Variants in SKAP1 observed in about 807,000 individuals in gnomAD.
SKAP1 encodes src kinase associated phosphoprotein 1, also known as src kinase-associated phosphoprotein 1.
In SKAP1, 44 loss-of-function variants were observed where a neutral mutation model predicts 58.5. The ratio of observed to expected loss-of-function variants is 0.75; its 90% CI spans 0.59 to 0.97. The LOEUF (loss-of-function observed/expected upper bound fraction) is 0.97, where lower values mean the gene tolerates loss of function less well. Among genes scored for constraint, SKAP1 ranks in the 50% least tolerant of loss-of-function variants. The pLI, the probability that SKAP1 is intolerant of heterozygous loss-of-function variation, is 0.00. For missense variants in SKAP1, 390 were observed against 435.2 expected (o/e 0.90, Z 0.92); for synonymous variants, 127 against 149.7 (o/e 0.85, Z 1.11).
intron 4 of SKAP1, among the ~76,000 whole-genome samples, chr17:48,193,042 C>A (rs2064569416): frequency 6.6e-6 from 1 of 152,008 alleles, no homozygotes; most frequent in South Asian, 2.1e-4. Context: ...ATGTTGCTTT[C>A]TTTCTTTCTT....
chr17:48,221,096 G>A (rs1321890593), intron 4 of SKAP1, among the ~76,000 whole-genome samples: 4 of 151,700 alleles, frequency 2.6e-5, no homozygotes, highest in African/African-American at 7.3e-5. Flanking sequence ...GTGAAACCGC[G>A]TCTCTACTAA....
At chr17:48,386,306 CTTTTT>C (rs201047932) in intron 2 of SKAP1, among the ~76,000 whole-genome samples, 5 of 127,296 alleles carry the variant, frequency 3.9e-5, no homozygotes, top group South Asian at 2.5e-4. Context: ...CATGCTAGAC[CTTTTT>C]TTTTTTTTTT....
At chr17:48,299,086 A>C (rs182375868) in intron 4 of SKAP1, among the ~76,000 whole-genome samples, 1 of 152,358 alleles carries the variant, frequency 6.6e-6, no homozygotes, top group Non-Finnish European at 1.5e-5. Flanking sequence ...CACCATATAA[A>C]TATGAGCATT....
intron 2 of SKAP1, among the ~76,000 whole-genome samples, chr17:48,370,576 C>T (rs896252421): frequency 5.3e-5 from 8 of 152,046 alleles, no homozygotes; most frequent in Admixed American, 3.9e-4. Context: ...GGATTACAAG[C>T]GTGAGCCACC....
intron 4 of SKAP1, among the ~76,000 whole-genome samples, chr17:48,296,646 C>T (rs1366558168): frequency 6.6e-6 from 1 of 152,046 alleles, no homozygotes; most frequent in Non-Finnish European, 1.5e-5. Flanking sequence ...TGTTCAAATC[C>T]TGCTGTGAGG....
chr17:48,276,021 A>G (rs548040920), intron 4 of SKAP1, among the ~76,000 whole-genome samples: 4 of 152,298 alleles, frequency 2.6e-5, no homozygotes, highest in South Asian at 2.1e-4. Context: ...AATGGCAAGC[A>G]ATGAAACATG....
At chr17:48,392,075 T>C (rs2067355824) in intron 2 of SKAP1, among the ~76,000 whole-genome samples, 1 of 152,216 alleles carries the variant, frequency 6.6e-6, no homozygotes, top group African/African-American at 2.4e-5. Flanking sequence ...CCAAGAGTTT[T>C]ATCAGGCTAA....
At chr17:48,153,159 TA>T (rs1191251626) in intron 11 of SKAP1, among the ~76,000 whole-genome samples, 1 of 152,236 alleles carries the variant, frequency 6.6e-6, no homozygotes, top group East Asian at 1.9e-4. Context: ...ATGCCAATTT[TA>T]TTCTCTTTTT....
chr17:48,287,976 C>T (rs1225041409), intron 4 of SKAP1, among the ~76,000 whole-genome samples: 1 of 152,058 alleles, frequency 6.6e-6, no homozygotes, highest in African/African-American at 2.4e-5. Flanking sequence ...CAAAGCTAAG[C>T]CATAAACTTG....
intron 4 of SKAP1, among the ~76,000 whole-genome samples, chr17:48,202,775 G>A (rs1044439547): frequency 3.3e-5 from 5 of 151,836 alleles, no homozygotes; most frequent in African/African-American, 9.7e-5. Flanking sequence ...CTCAGCAAAC[G>A]GGGAAAAAAA....
chr17:48,161,342 G>A (rs1041007445), intron 11 of SKAP1, among the ~76,000 whole-genome samples: 4 of 152,210 alleles, frequency 2.6e-5, no homozygotes, highest in Admixed American at 2.0e-4. Context: ...AGCAATTAAA[G>A]AGCAAGTTGT....
intron 4 of SKAP1, among the ~76,000 whole-genome samples, chr17:48,219,394 T>C (rs2064976111): frequency 6.6e-6 from 1 of 152,248 alleles, no homozygotes; most frequent in Non-Finnish European, 1.5e-5. Flanking sequence ...ATGTCCAGCC[T>C]CAAATAAAGC....
intron 4 of SKAP1, among the ~76,000 whole-genome samples, chr17:48,202,483 G>A (rs2064740974): frequency 6.6e-6 from 1 of 152,122 alleles, no homozygotes; most frequent in Non-Finnish European, 1.5e-5. Context: ...ACAGAAAAAT[G>A]ATGTTGGCTG....
intron 2 of SKAP1, among the ~76,000 whole-genome samples, chr17:48,373,898 C>T (rs2067120008): frequency 6.6e-6 from 1 of 152,012 alleles, no homozygotes; most frequent in African/African-American, 2.4e-5. Context: ...TTTTTTGCAA[C>T]TGAAGTATTA....
intron 2 of SKAP1, among the ~76,000 whole-genome samples, chr17:48,371,756 G>C (rs2067089690): frequency 6.9e-6 from 1 of 144,084 alleles, no homozygotes; most frequent in Non-Finnish European, 1.5e-5. Context: ...AGGATCCCTT[G>C]AGCCTGTGAG....
At chr17:48,194,419 G>A (rs80075676) in intron 4 of SKAP1, among the ~76,000 whole-genome samples, 4,676 of 152,196 alleles carry the variant, frequency 0.031, 259 homozygotes, top group African/African-American at 0.11. Flanking sequence ...CCTTTGGAGT[G>A]TGATACATTT....
chr17:48,316,147 G>A (rs989087850), intron 4 of SKAP1, among the ~76,000 whole-genome samples: 12 of 152,186 alleles, frequency 7.9e-5, no homozygotes, highest in Non-Finnish European at 1.2e-4. Context: ...ATGCCAGTCT[G>A]TTGCTTAAAA....
In SKAP1 at chr17:48,146,733, A is replaced by C. The variant is rs199786160; in HGVS notation, c.979-9396T>G. On this transcript the variant is annotated intron_variant, in intron 11 of 12. Transcript: ENST00000336915. ...AACCTCTGCCTCCCGGGTTCAAGCG[A>C]TTCTCCTGCCTCAGCTTCCTGAGTA... 6.8e-4 allele frequency among the ~76,000 whole-genome samples: 104 copies of C among 151,918 alleles called. 5 individuals are homozygous for C. In the East Asian group the frequency reaches 0.019, roughly 28 times the overall value.
At chr17:48,280,578 CAT>C (rs1016873927) in intron 4 of SKAP1, among the ~76,000 whole-genome samples, 1 of 151,934 alleles carries the variant, frequency 6.6e-6, no homozygotes, top group Non-Finnish European at 1.5e-5. Context: ...CAAATATATA[CAT>C]ATATATATAG....
Sources: gnomAD v4.1 joint callset for allele counts (sites outside exome capture counted in the v4.1 genomes callset) on GRCh38, gnomAD v4.1.1 for gene constraint, MANE v1.5 for transcripts, NCBI Gene and HGNC (gene_info 2026-07-23, HGNC 2026-07-21) for gene names.